DAAM2: variants seen among roughly 807,000 people sequenced by gnomAD.
DAAM2 encodes dishevelled associated activator of morphogenesis 2.
DAAM2 carries 39 observed loss-of-function variants against 120.7 expected under a neutral mutation model. The ratio of observed to expected loss-of-function variants is 0.32; its 90% CI spans 0.25 to 0.42. The LOEUF (loss-of-function observed/expected upper bound fraction) is 0.42, where lower values mean the gene tolerates loss of function less well. Among genes scored for constraint, DAAM2 ranks in the 10% least tolerant of loss-of-function variants. The pLI is 1.00. For missense variants in DAAM2, 1,283 were observed against 1,401.7 expected (o/e 0.92, Z 1.35); for synonymous variants, 488 against 524.9 (o/e 0.93, Z 0.96).
intron 1 of DAAM2, among the ~76,000 whole-genome samples, chr6:39,796,646 TA>T (rs66966923): frequency 0.88 from 120,284 of 136,688 alleles, 54,315 homozygotes; most frequent in Non-Finnish European, 0.99. Context: ...AAAAAACCTG[TA>T]AAAAAAAAAT....
At chr6:39,898,336 AAAGAGTGTGCGTACAGTTGG>A (rs1158292931) in intron 21 of DAAM2, among the ~76,000 whole-genome samples, 1 of 152,222 alleles carries the variant, frequency 6.6e-6, no homozygotes, top group African/African-American at 2.4e-5. Context: ...TTGGCCTCAA[AAAGAGTGTGCGTACAGTTGG>A]AAGAGTTGGG....
At chr6:39,862,903 T>G (rs2149297361) in intron 3 of DAAM2, 1 of 150,084 alleles carries the variant, frequency 6.7e-6, no homozygotes, top group South Asian at 2.2e-4. Context: ...CCACACACTT[T>G]CACAACCTTC....
intron 1 of DAAM2, among the ~76,000 whole-genome samples, chr6:39,829,491 G>A (rs936493614): frequency 6.6e-6 from 1 of 152,196 alleles, no homozygotes; most frequent in East Asian, 1.9e-4. Context: ...AGAGGCTTGT[G>A]TTGGAGGCTG....
intron 1 of DAAM2, among the ~76,000 whole-genome samples, chr6:39,795,261 C>T (rs1168547768): frequency 6.6e-6 from 1 of 152,196 alleles, no homozygotes; most frequent in Non-Finnish European, 1.5e-5. Context: ...GCAGAAAGAA[C>T]AAGTTGAAGG....
intron 1 of DAAM2, among the ~76,000 whole-genome samples, chr6:39,839,415 G>A (rs533666942): frequency 3.9e-4 from 59 of 152,202 alleles, no homozygotes; most frequent in Non-Finnish European, 8.5e-4. Context: ...TGTGCACTTA[G>A]TTTGAGATGT....
Position 39,887,793 on chromosome 6 carries a change from T to C in DAAM2, c.2060+201T>C, listed in dbSNP as rs1215037118. 17 of 530,932 alleles carry C rather than the reference T, an allele frequency of 3.2e-5. No homozygotes were observed. The East Asian group carries it at 3.3e-4, about 10-fold the overall frequency. 32.9% of individuals were successfully genotyped at this position (530,932 alleles called of 1,614,324 possible). A position where few individuals can be genotyped will look rare whatever the true frequency, so the allele number is the denominator to read the frequency against. Reference sequence around the variant, plus strand: ...AGGAAACTGCCCAGTCACGAGGCCCTTGCCCAGCCTGGTCAGCGTCTGGCA... The same window carrying C: ...AGGAAACTGCCCAGTCACGAGGCCCCTGCCCAGCCTGGTCAGCGTCTGGCA... On this transcript the variant is annotated intron_variant, in intron 16 of 24. Coordinates refer to ENST00000274867, the MANE Select transcript of DAAM2 (RefSeq NM_001201427.2).
At chr6:39,827,800 G>T (rs943371070) in intron 1 of DAAM2, among the ~76,000 whole-genome samples, 2 of 151,836 alleles carry the variant, frequency 1.3e-5, no homozygotes, top group African/African-American at 4.9e-5. Flanking sequence ...AATTCAAGGG[G>T]TATAGTCCCT....
At position 39,873,258 on chromosome 6, in the gene DAAM2, T is replaced by C. The variant is rs1251354032; in HGVS notation, c.1065T>C (p.Ser355=). The change falls in exon 10 of 25, where the codon AGT becomes AGC. Residue 355 remains serine (S), a synonymous_variant. Transcript: ENST00000274867. ...CCCAGGTCCACATCGACACCAAGAG[T>C]GCTTCCCAGATGTTTGAGTTGATCC... ...RFDMVHIDTK[S]ASQMFELIHK... is the part of the protein sequence containing the mutation. 1 of 1,611,866 alleles carries C rather than the reference T, an allele frequency of 6.2e-7. No homozygotes were observed.
chr6:39,839,025 C>T (rs2149248218), intron 1 of DAAM2, among the ~76,000 whole-genome samples: 1 of 151,972 alleles, frequency 6.6e-6, no homozygotes, highest in East Asian at 1.9e-4. Context: ...CCCTAGTGGT[C>T]CCCCCTCTCT....
Position 39,860,975 on chromosome 6 carries a change from G to A in DAAM2, c.216G>A (p.Leu72=). 6.2e-7 allele frequency: 1 copy of A among 1,613,078 alleles called. No homozygotes were observed. The highest frequency in any genetic ancestry group is 8.5e-7 in the Non-Finnish European group (1 of 1,179,588). Residue 72 remains leucine, a synonymous_variant, in exon 3 of 25, where the codon CTG becomes CTA. Coordinates refer to ENST00000274867, the MANE Select transcript of DAAM2 (RefSeq NM_001201427.2). ...AAAACCGAGAGGCTATGTTTGCACT[G>A]CCCCCTGAGAAGAAATGGCAGATCT... is the stretch of plus-strand genomic sequence containing the variant. ...TDKNREAMFA[L]PPEKKWQIYC...
intron 19 of DAAM2, 40 bp downstream of exon 19, chr6:39,891,762 A>C (rs896119471): frequency 6.6e-7 from 1 of 1,525,948 alleles, no homozygotes; most frequent in African/African-American, 1.4e-5. Flanking sequence ...GTGGAGAGTT[A>C]TCTGAGAAAG....
intron 14 of DAAM2, among the ~76,000 whole-genome samples, chr6:39,880,542 C>A (rs183223594): frequency 6.6e-6 from 1 of 152,156 alleles, no homozygotes; most frequent in South Asian, 2.1e-4. Flanking sequence ...AATTAGGAAG[C>A]ATGTTCAAAG....
chr6:39,900,650 G>T (rs1448519855), intron 23 of DAAM2, among the ~76,000 whole-genome samples: 4 of 152,120 alleles, frequency 2.6e-5, no homozygotes, highest in African/African-American at 4.8e-5. Context: ...ATGTATGGGG[G>T]TCTTATTAAA....
intron 2 of DAAM2, 130 bp from the exon 3 acceptor site, chr6:39,860,798 T>G (rs888259145): frequency 2.7e-6 from 2 of 749,932 alleles, no homozygotes; most frequent in African/African-American, 3.5e-5. Context: ...ATATCTTTGA[T>G]GCTCTTCGGG....
In DAAM2 at chr6:39,879,305, C is replaced by T; in HGVS notation, c.1673C>T (p.Pro558Leu). 3 of 1,537,578 alleles carry T rather than the reference C, an allele frequency of 2.0e-6. No individual in the cohort carries two copies. Among genetic ancestry groups the T allele is most frequent in the Non-Finnish European group, 1.8e-6 (2 of 1,123,220 alleles). Residue 558 changes from proline (P) to leucine (L), a missense_variant, in exon 14 of 25, where the codon CCA (proline) becomes CTA (leucine). By Grantham distance (98) the Pro-to-Leu change is moderately conservative (BLOSUM62 -3). Around this residue, in one of 3 missense-constraint regions of DAAM2, gnomAD observed 748 missense variants for 768.6 expected, o/e 0.97. Coordinates refer to ENST00000274867, the MANE Select transcript of DAAM2 (RefSeq NM_001201427.2). Reference protein sequence around the residue: ...PFACCPPPPPPPLPPGGPPTP... With the variant: ...PFACCPPPPPLPLPPGGPPTP... Reference sequence around the variant, plus strand: ...GCCTGTTGTCCCCCTCCCCCACCACCACCCCTTCCTCCCGGGGGACCCCCG... The same window carrying T: ...GCCTGTTGTCCCCCTCCCCCACCACTACCCCTTCCTCCCGGGGGACCCCCG...
intron 11 of DAAM2, among the ~76,000 whole-genome samples, chr6:39,876,995 G>A (rs1388710690): frequency 1.3e-5 from 2 of 152,198 alleles, no homozygotes; most frequent in African/African-American, 4.8e-5. Context: ...ATCTTCAGAA[G>A]TTCCTTGCTG....
chr6:39,886,241 A>C (rs2149345234), intron 15 of DAAM2: 1 of 395,640 alleles, frequency 2.5e-6, no homozygotes, highest in East Asian at 3.6e-5. Flanking sequence ...GTCTGCTAGA[A>C]GCAGCTCCTG....
At chr6:39,814,044 A>G (rs1241267858) in intron 1 of DAAM2, among the ~76,000 whole-genome samples, 5 of 152,186 alleles carry the variant, frequency 3.3e-5, no homozygotes, top group African/African-American at 9.7e-5. Flanking sequence ...CTTTTAAATC[A>G]AGCTTGTTCA....
intron 1 of DAAM2, among the ~76,000 whole-genome samples, chr6:39,852,509 G>T (rs1446739008): frequency 6.6e-6 from 1 of 152,186 alleles, no homozygotes. Flanking sequence ...CCCCATCATT[G>T]CCTGGAGAAG....
Sources: allele counts gnomAD v4.1 joint callset (sites outside exome capture counted in the v4.1 genomes callset), GRCh38; gene constraint gnomAD v4.1.1; regional missense constraint gnomAD v4.1.1; transcripts MANE v1.5; gene names NCBI Gene and HGNC (gene_info 2026-07-23, HGNC 2026-07-21).